IQCB1: variants seen among roughly 807,000 people sequenced by gnomAD.
IQCB1 encodes IQ motif containing B1, also known as IQ calmodulin-binding motif-containing protein 1.
In IQCB1, 56 loss-of-function variants were observed where a neutral mutation model predicts 84.4. The ratio of observed to expected loss-of-function variants is 0.66; its 90% CI spans 0.54 to 0.83. The LOEUF (loss-of-function observed/expected upper bound fraction) is 0.83, where lower values mean the gene tolerates loss of function less well. Ranked by LOEUF, IQCB1 falls within the 40% of genes least tolerant of loss-of-function variation. The pLI, the probability that IQCB1 is intolerant of heterozygous loss-of-function variation, is 0.00. For synonymous variants in IQCB1, 210 were observed against 234.8 expected, an observed-to-expected ratio of 0.89 and a Z score of 0.96; for missense variants, 629 against 682.1, an observed-to-expected ratio of 0.92 and a Z score of 0.87.
chr3:121,828,394 A>C (rs1338456554), intron 4 of IQCB1, 76 bp downstream of exon 4: 1 of 1,312,412 alleles, frequency 7.6e-7, no homozygotes, highest in Non-Finnish European at 1.1e-6. Flanking sequence ...TAGGCAGATA[A>C]ATAAAAAGCA....
At chr3:121,821,814 T>G (rs1389809586) in intron 5 of IQCB1, among the ~76,000 whole-genome samples, 1 of 152,232 alleles carries the variant, frequency 6.6e-6, no homozygotes, top group Non-Finnish European at 1.5e-5. Flanking sequence ...ATGTACTGAC[T>G]GAAATCTAAA....
At chr3:121,812,238 AG>A (rs1949857936) in intron 5 of IQCB1, among the ~76,000 whole-genome samples, 1 of 152,246 alleles carries the variant, frequency 6.6e-6, no homozygotes, top group Non-Finnish European at 1.5e-5. Context: ...ATCAACAAAA[AG>A]GACACCCACA....
intron 8 of IQCB1, among the ~76,000 whole-genome samples, chr3:121,797,430 C>T (rs1439200061): frequency 7.4e-6 from 1 of 135,012 alleles, no homozygotes; most frequent in Non-Finnish European, 1.5e-5. Flanking sequence ...AGAATTCTTA[C>T]GTGCTCAATT....
intron 5 of IQCB1, among the ~76,000 whole-genome samples, chr3:121,821,359 C>T (rs1950267530): frequency 6.6e-6 from 1 of 152,212 alleles, no homozygotes; most frequent in Non-Finnish European, 1.5e-5. Flanking sequence ...CTTTCCTGGT[C>T]TTGTCCATTT....
intron 9 of IQCB1, among the ~76,000 whole-genome samples, chr3:121,796,662 T>G (rs1949204160): frequency 6.6e-6 from 1 of 152,066 alleles, no homozygotes; most frequent in Non-Finnish European, 1.5e-5. Flanking sequence ...AATTAGAGAT[T>G]TTTTTTGGAA....
intron 13 of IQCB1, among the ~76,000 whole-genome samples, chr3:121,777,445 T>C (rs1948274506): frequency 6.6e-6 from 1 of 152,222 alleles, no homozygotes; most frequent in African/African-American, 2.4e-5. Flanking sequence ...TAAGTTTTTG[T>C]ATATGTAAAC....
intron 5 of IQCB1, among the ~76,000 whole-genome samples, chr3:121,811,117 G>A (rs191386152): frequency 5.3e-5 from 8 of 152,192 alleles, no homozygotes; most frequent in South Asian, 2.1e-4. Context: ...GTTAGACAAT[G>A]GGCGCAGCCC....
rs985166911 is a variant in IQCB1, at chr3:121,832,556, A to T, written c.-13+1835T>A. On this transcript the variant is annotated intron_variant, in intron 2 of 14. Coordinates refer to ENST00000310864, the MANE Select transcript of IQCB1 (RefSeq NM_001023570.4). The stretch of plus-strand genomic sequence containing the variant: ...TGGCCAGGCTGGTCTTGAACTCATG[A>T]CCTCAAGTGGTCTGCCCACTTCGGC... Among the ~76,000 whole-genome samples the T allele has an allele frequency of 9.2e-5, 14 of 152,132 alleles. No individual in the cohort carries two copies. In the East Asian group the frequency reaches 9.7e-4, roughly 10 times the overall value.
intron 12 of IQCB1, among the ~76,000 whole-genome samples, chr3:121,787,272 T>A (rs1948773042): frequency 1.1e-5 from 1 of 86,994 alleles, no homozygotes; most frequent in African/African-American, 5.1e-5. Flanking sequence ...GACCTAAAAA[T>A]TCAGTAAGGA....
At chr3:121,771,221 C>G (rs1263428444) in intron 14 of IQCB1, among the ~76,000 whole-genome samples, 2 of 151,968 alleles carry the variant, frequency 1.3e-5, no homozygotes, top group Admixed American at 1.3e-4. Context: ...ATCCACCTAC[C>G]TCGGCCTCCC....
intron 2 of IQCB1, among the ~76,000 whole-genome samples, chr3:121,832,901 T>C (rs556389171): frequency 1.3e-5 from 2 of 152,366 alleles, no homozygotes; most frequent in East Asian, 1.9e-4. Context: ...TAGTTATGAA[T>C]AGACATAACA....
At chr3:121,831,934 C>G (rs1950656028) in intron 2 of IQCB1, among the ~76,000 whole-genome samples, 1 of 152,160 alleles carries the variant, frequency 6.6e-6, no homozygotes, top group Non-Finnish European at 1.5e-5. Flanking sequence ...TGCTACATTT[C>G]CTTTTAAGAA....
chr3:121,814,113 A>C (rs1949951572), intron 5 of IQCB1, among the ~76,000 whole-genome samples: 2 of 152,228 alleles, frequency 1.3e-5, no homozygotes, highest in African/African-American at 4.8e-5. Flanking sequence ...CAGGATTAAG[A>C]AACTCACTCA....
intron 5 of IQCB1, among the ~76,000 whole-genome samples, chr3:121,822,740 T>C (rs1459961583): frequency 1.3e-5 from 2 of 152,152 alleles, no homozygotes; most frequent in African/African-American, 4.8e-5. Context: ...CTAAGGGCAA[T>C]ACTCTAATGG....
intron 8 of IQCB1, among the ~76,000 whole-genome samples, chr3:121,797,702 G>A (rs1162826625): frequency 6.6e-6 from 1 of 151,868 alleles, no homozygotes; most frequent in Non-Finnish European, 1.5e-5. Context: ...ATAAACATAT[G>A]GTAACATATA....
rs182210437 is a variant in IQCB1, at chr3:121,786,326, T to C, written c.1278+1958A>G. ...TGTACTTTCCCATTTTTCTTTCTCT[T>C]TTCCTTCTTTGAAAGTAATTCTTGG... On this transcript the variant is annotated intron_variant, in intron 12 of 14. Transcript: ENST00000310864. Among the ~76,000 whole-genome samples, 43 of 151,684 alleles carry C rather than the reference T, an allele frequency of 2.8e-4. No homozygotes were observed. In the East Asian group the frequency reaches 7.4e-3, roughly 26 times the overall value.
At chr3:121,829,104 G>C in intron 2 of IQCB1, 132 bp from the exon 3 acceptor site, 1 of 653,580 alleles carries the variant, frequency 1.5e-6, no homozygotes, top group Non-Finnish European at 2.7e-6. Context: ...GCAGAATGTA[G>C]ATTTTTTCAT....
chr3:121,795,705 C>T (rs1309405583), intron 9 of IQCB1, 139 bp from the exon 10 acceptor site: 15 of 651,502 alleles, frequency 2.3e-5, no homozygotes, highest in African/African-American at 9.2e-5. Flanking sequence ...TAAACCTTAC[C>T]TCCCAAAGGA....
At chr3:121,824,672 T>C (rs576644559) in intron 5 of IQCB1, among the ~76,000 whole-genome samples, 1 of 150,450 alleles carries the variant, frequency 6.6e-6, no homozygotes, top group African/African-American at 2.4e-5. Flanking sequence ...CCAGAAGATA[T>C]AATATTCCTA....
Sources: allele counts gnomAD v4.1 joint callset (sites outside exome capture counted in the v4.1 genomes callset), GRCh38; gene constraint gnomAD v4.1.1; transcripts MANE v1.5; gene names NCBI Gene and HGNC (gene_info 2026-07-23, HGNC 2026-07-21).